Variants in PTPRT observed in about 807,000 individuals in gnomAD.
The protein encoded by PTPRT is protein tyrosine phosphatase receptor type T, also known as receptor-type tyrosine-protein phosphatase T.
Under a neutral mutation model 176.8 loss-of-function variants are expected in PTPRT, and 56 were observed. That is an observed-to-expected ratio of 0.32 (90% CI 0.26 to 0.40). The LOEUF (loss-of-function observed/expected upper bound fraction) is 0.40. Ranked by LOEUF, PTPRT falls within the 10% of genes least tolerant of loss-of-function variation. PTPRT has a pLI of 1.00. For missense variants in PTPRT, 1,540 were observed against 1,908.2 expected (o/e 0.81, Z 3.60); for synonymous variants, 783 against 739.0 (o/e 1.06, Z -0.96).
At chr20:42,449,980 T>A (rs1199052990) in intron 8 of PTPRT, among the ~76,000 whole-genome samples, 1 of 152,228 alleles carries the variant, frequency 6.6e-6, no homozygotes, top group Non-Finnish European at 1.5e-5. Context: ...TTTAAAAAAA[T>A]GTTAACTCCT....
chr20:43,157,310 GT>G (rs1403400595), intron 1 of PTPRT, among the ~76,000 whole-genome samples: 2 of 152,176 alleles, frequency 1.3e-5, no homozygotes. Context: ...GCTGTGGTGA[GT>G]CCTGATGATG....
At chr20:42,103,036 C>T (rs187198371) in intron 25 of PTPRT, among the ~76,000 whole-genome samples, 12 of 152,354 alleles carry the variant, frequency 7.9e-5, no homozygotes, top group Admixed American at 3.3e-4. Flanking sequence ...CCTGGGATAT[C>T]TGCCCGTGGA....
intron 6 of PTPRT, among the ~76,000 whole-genome samples, chr20:42,748,797 G>T (rs574290638): frequency 6.6e-6 from 1 of 152,090 alleles, no homozygotes; most frequent in African/African-American, 2.4e-5. Flanking sequence ...ACTGGAGGGG[G>T]TTAAGGTACA....
intron 9 of PTPRT, among the ~76,000 whole-genome samples, chr20:42,394,448 C>T (rs2058829659): frequency 6.6e-6 from 1 of 152,132 alleles, no homozygotes; most frequent in African/African-American, 2.4e-5. Flanking sequence ...TCCCCAGGTC[C>T]ACAGGAAATG....
chr20:42,943,102 C>A (rs773660917), intron 1 of PTPRT, among the ~76,000 whole-genome samples: 9 of 152,180 alleles, frequency 5.9e-5, no homozygotes, highest in Non-Finnish European at 1.2e-4. Flanking sequence ...CCAAACGCAA[C>A]TTGAGGAAAA....
At chr20:42,492,013 C>A (rs927975287) in intron 7 of PTPRT, among the ~76,000 whole-genome samples, 8 of 152,108 alleles carry the variant, frequency 5.3e-5, no homozygotes, top group Non-Finnish European at 7.3e-5. Context: ...GTTACAGGTA[C>A]AATAGTTTGC....
chr20:42,605,072 A>G (rs1453712350), intron 7 of PTPRT, among the ~76,000 whole-genome samples: 1 of 152,198 alleles, frequency 6.6e-6, no homozygotes, highest in African/African-American at 2.4e-5. Context: ...ATGAAAGTAG[A>G]ACTCATGGAG....
At chr20:43,130,800 T>C (rs951033219) in intron 1 of PTPRT, among the ~76,000 whole-genome samples, 2 of 94,400 alleles carry the variant, frequency 2.1e-5, no homozygotes, top group Middle Eastern at 6.0e-3. Context: ...TTTGGTGAAA[T>C]AAGGAAGGAT....
At chr20:42,099,546 C>CGGG (rs59137378) in intron 26 of PTPRT, among the ~76,000 whole-genome samples, 7 of 28,900 alleles carry the variant, frequency 2.4e-4, no homozygotes, top group African/African-American at 3.9e-4. Context: ...ATGGCCTGGG[C>CGGG]GGGGGGGGGG....
intron 4 of PTPRT, among the ~76,000 whole-genome samples, chr20:42,777,451 A>G (rs184534817): frequency 7.9e-5 from 12 of 152,214 alleles, no homozygotes; most frequent in East Asian, 1.9e-4. Context: ...ATTTTCAAAG[A>G]TATCTCCTCT....
chr20:42,782,926 T>C (rs1367613156), intron 3 of PTPRT, among the ~76,000 whole-genome samples: 6 of 152,202 alleles, frequency 3.9e-5, no homozygotes, highest in Admixed American at 3.3e-4. Context: ...TTAATCTATG[T>C]CTTAGACTTT....
intron 7 of PTPRT, among the ~76,000 whole-genome samples, chr20:42,674,965 T>C (rs1230377720): frequency 1.3e-5 from 2 of 151,668 alleles, no homozygotes; most frequent in East Asian, 3.8e-4. Flanking sequence ...TGCATTTGCT[T>C]ATGTGTGATT....
At chr20:42,614,939 T>G (rs1315024224) in intron 7 of PTPRT, among the ~76,000 whole-genome samples, 1 of 140,956 alleles carries the variant, frequency 7.1e-6, no homozygotes, top group African/African-American at 2.9e-5. Context: ...TTTTTTCTAT[T>G]TTTTTTTTAA....
At chr20:42,309,367 G>A (rs6030124) in intron 12 of PTPRT, among the ~76,000 whole-genome samples, 1 of 151,912 alleles carries the variant, frequency 6.6e-6, no homozygotes, top group Admixed American at 6.6e-5. Flanking sequence ...CCGCTGTTTA[G>A]AACTGAGACA....
chr20:42,116,227 T>G, intron 21 of PTPRT: 2 of 623,230 alleles, frequency 3.2e-6, no homozygotes, highest in Non-Finnish European at 5.8e-6. Context: ...ATTCAGCTTC[T>G]TTCTCATGCT....
At chr20:42,883,908 A>C (rs1418363300) in intron 2 of PTPRT, among the ~76,000 whole-genome samples, 4 of 137,826 alleles carry the variant, frequency 2.9e-5, no homozygotes, top group South Asian at 2.4e-4. Flanking sequence ...ACACACACAC[A>C]CACACACATA....
chr20:42,835,126 A>G (rs1034380962), intron 2 of PTPRT, among the ~76,000 whole-genome samples: 2 of 152,192 alleles, frequency 1.3e-5, no homozygotes, highest in Non-Finnish European at 2.9e-5. Context: ...TGGGATCTAA[A>G]GAGAACACAG....
chr20:42,668,858 A>ATTTTTTTTTTT (rs755121515), intron 7 of PTPRT, among the ~76,000 whole-genome samples: 280 of 81,296 alleles, frequency 3.4e-3, no homozygotes, highest in Admixed American at 4.4e-3. Flanking sequence ...CGCCCAGCTA[A>ATTTTTTTTTTT]TTTTTTTTTT....
chr20:42,394,319 CT>C (rs1233107016), intron 9 of PTPRT, among the ~76,000 whole-genome samples: 1 of 152,148 alleles, frequency 6.6e-6, no homozygotes, highest in Non-Finnish European at 1.5e-5. Context: ...TAACTATTTT[CT>C]TCACCAGTGA....
Sources: gnomAD v4.1 joint callset for allele counts (sites outside exome capture counted in the v4.1 genomes callset) on GRCh38, gnomAD v4.1.1 for gene constraint, MANE v1.5 for transcripts, NCBI Gene and HGNC (gene_info 2026-07-23, HGNC 2026-07-21) for gene names.